MAGI2: variants seen among roughly 807,000 people sequenced by gnomAD.
MAGI2 encodes the protein membrane-associated guanylate kinase, WW and PDZ domain-containing protein 2.
Under a neutral mutation model 133.3 loss-of-function variants are expected in MAGI2, and 35 were observed. The ratio of observed to expected loss-of-function variants is 0.26; its 90% CI spans 0.20 to 0.35. The LOEUF is 0.35. MAGI2 is among the 10% of genes least tolerant of loss of function. The probability of loss-of-function intolerance (pLI) is 1.00; values close to 1 mark genes in which losing one functional copy is unlikely to be tolerated. For synonymous variants in MAGI2, 729 were observed against 710.6 expected (o/e 1.03, Z -0.41); for missense variants, 1,636 against 1,863.4 (o/e 0.88, Z 2.25).
At chr7:78,605,671 T>G (rs141696091) in intron 3 of MAGI2, among the ~76,000 whole-genome samples, 1 of 152,238 alleles carries the variant, frequency 6.6e-6, no homozygotes, top group East Asian at 1.9e-4. Flanking sequence ...TGAATGGAAT[T>G]TCACTAAGAG....
intron 2 of MAGI2, among the ~76,000 whole-genome samples, chr7:78,926,451 A>G (rs890557571): frequency 2.6e-5 from 4 of 152,052 alleles, no homozygotes; most frequent in Admixed American, 1.3e-4. Context: ...AAGCACAATC[A>G]TGAACAGACA....
At chr7:79,010,950 CA>C (rs1808022069) in intron 1 of MAGI2, 1 of 152,056 alleles carries the variant, frequency 6.6e-6, no homozygotes, top group Non-Finnish European at 1.5e-5. Flanking sequence ...CTTCTTAGTG[CA>C]AAGCAGTCAA....
chr7:78,478,135 C>T (rs556995492), intron 6 of MAGI2, among the ~76,000 whole-genome samples: 9 of 151,836 alleles, frequency 5.9e-5, no homozygotes, highest in Admixed American at 3.9e-4. Flanking sequence ...CATGTGTTCT[C>T]ATTGTTCAAC....
intron 2 of MAGI2, among the ~76,000 whole-genome samples, chr7:78,778,195 G>C (rs1053261921): frequency 8.5e-5 from 13 of 152,056 alleles, no homozygotes; most frequent in African/African-American, 3.1e-4. Flanking sequence ...GGGCATAATG[G>C]GGCAAATAGA....
chr7:79,017,763 A>G (rs1348643469), intron 1 of MAGI2, among the ~76,000 whole-genome samples: 1 of 152,224 alleles, frequency 6.6e-6, no homozygotes, highest in Non-Finnish European at 1.5e-5. Flanking sequence ...GCTTAAAAAC[A>G]TGGTAGAAGA....
At chr7:78,404,540 AC>A (rs1333461535) in intron 6 of MAGI2, among the ~76,000 whole-genome samples, 1 of 152,148 alleles carries the variant, frequency 6.6e-6, no homozygotes, top group Non-Finnish European at 1.5e-5. Context: ...CTGATCTTTG[AC>A]AAACCTGACA....
chr7:78,199,501 T>C lies in MAGI2; in HGVS notation c.2079+1661A>G, dbSNP rs143510727. Reference sequence around the variant, plus strand: ...TGTTACTATCTCCATTTTACAGATATAGAACTTGAGACTGATAGCTTACGT... The same window carrying C: ...TGTTACTATCTCCATTTTACAGATACAGAACTTGAGACTGATAGCTTACGT... On this transcript the variant is annotated intron_variant, in intron 11 of 21. Coordinates refer to ENST00000354212, the MANE Select transcript of MAGI2 (RefSeq NM_012301.4). Among the ~76,000 whole-genome samples, 436 of 152,316 alleles carry C rather than the reference T, an allele frequency of 2.9e-3. 1 individual carries two copies. Among genetic ancestry groups the C allele is most frequent in the African/African-American group, 1.0e-2 (414 of 41,574 alleles).
At chr7:78,969,049 G>T (rs1450922426) in intron 2 of MAGI2, among the ~76,000 whole-genome samples, 2 of 152,078 alleles carry the variant, frequency 1.3e-5, no homozygotes, top group East Asian at 1.9e-4. Flanking sequence ...GTAAATGCCA[G>T]CAGCTGCACC....
chr7:78,909,510 G>A (rs2151610897), intron 2 of MAGI2, among the ~76,000 whole-genome samples: 1 of 149,436 alleles, frequency 6.7e-6, no homozygotes, highest in Non-Finnish European at 1.5e-5. Flanking sequence ...GGCTGAGGCA[G>A]GAGAATGGCG....
At chr7:78,672,609 G>A (rs889598328) in intron 2 of MAGI2, among the ~76,000 whole-genome samples, 1 of 152,140 alleles carries the variant, frequency 6.6e-6, no homozygotes, top group Admixed American at 6.6e-5. Flanking sequence ...CATGATTGAT[G>A]ATCTCCACAG....
chr7:78,270,143 G>A (rs189464190), intron 9 of MAGI2, among the ~76,000 whole-genome samples: 23 of 152,248 alleles, frequency 1.5e-4, no homozygotes, highest in African/African-American at 5.1e-4. Context: ...TTTGGTACCA[G>A]TACCATGCTG....
At chr7:79,259,453 A>G (rs2129556284) in intron 1 of MAGI2, among the ~76,000 whole-genome samples, 1 of 152,328 alleles carries the variant, frequency 6.6e-6, no homozygotes, top group South Asian at 2.1e-4. Flanking sequence ...TACATTGAGG[A>G]GGCATACCTA....
chr7:79,176,604 G>T (rs912657522), intron 1 of MAGI2, among the ~76,000 whole-genome samples: 5 of 151,880 alleles, frequency 3.3e-5, no homozygotes. Context: ...TAGAATCAGA[G>T]ATATATAGAT....
At chr7:79,316,274 C>A (rs566944543) in intron 1 of MAGI2, among the ~76,000 whole-genome samples, 12 of 152,068 alleles carry the variant, frequency 7.9e-5, no homozygotes, top group East Asian at 5.8e-4. Flanking sequence ...ACCACCCCCC[C>A]ACTCCAAGTT....
At chr7:78,428,603 A>T (rs1178710858) in intron 6 of MAGI2, among the ~76,000 whole-genome samples, 10 of 152,160 alleles carry the variant, frequency 6.6e-5, no homozygotes, top group African/African-American at 2.4e-4. Context: ...TCATCCCGGA[A>T]TACCTGCAAA....
rs1157843226 is a variant in MAGI2 at position 78,804,866 on chromosome 7, G to A, written c.419-177627C>T. Reference sequence around the variant, plus strand: ...GTGGATCACCTAAGACCAGGAGTTCGAAACCAGTCTGGCCAACATGGCAAA... The same window carrying A: ...GTGGATCACCTAAGACCAGGAGTTCAAAACCAGTCTGGCCAACATGGCAAA... On this transcript the variant is annotated intron_variant, in intron 2 of 21. Coordinates refer to ENST00000354212, the MANE Select transcript of MAGI2 (RefSeq NM_012301.4). Among the ~76,000 whole-genome samples, 6 of 151,366 alleles carry A rather than the reference G, an allele frequency of 4.0e-5. 1 individual carries two copies. Among genetic ancestry groups the A allele is most frequent in the South Asian group, 4.2e-4 (2 of 4,810 alleles).
intron 10 of MAGI2, among the ~76,000 whole-genome samples, chr7:78,235,492 C>T (rs539869445): frequency 6.3e-4 from 96 of 152,182 alleles, no homozygotes; most frequent in African/African-American, 2.2e-3. Context: ...GGGACTGTTA[C>T]CCCCATGCTG....
chr7:78,691,948 A>G (rs933040114), intron 2 of MAGI2, among the ~76,000 whole-genome samples: 1 of 152,180 alleles, frequency 6.6e-6, no homozygotes, highest in African/African-American at 2.4e-5. Flanking sequence ...GATTGTAACC[A>G]ATTACCACTC....
chr7:79,016,469 G>A (rs142189815), intron 1 of MAGI2, among the ~76,000 whole-genome samples: 4 of 152,104 alleles, frequency 2.6e-5, no homozygotes, highest in African/African-American at 9.7e-5. Flanking sequence ...AACAGCTCCA[G>A]TAGGGTGCCC....
Sources: gnomAD v4.1 joint callset for allele counts (sites outside exome capture counted in the v4.1 genomes callset) on GRCh38, gnomAD v4.1.1 for gene constraint, MANE v1.5 for transcripts, NCBI Gene and HGNC (gene_info 2026-07-23, HGNC 2026-07-21) for gene names.